PPP1R36: variants seen among roughly 807,000 people sequenced by gnomAD.
PPP1R36 encodes protein phosphatase 1 regulatory subunit 36.
A neutral mutation model predicts 53.4 loss-of-function variants in PPP1R36; 47 were observed. That is an observed-to-expected ratio of 0.88 (90% confidence interval 0.70 to 1.12). The LOEUF is 1.12. PPP1R36 is among the 50% of genes most tolerant of loss of function. The pLI is 0.00. For synonymous variants in PPP1R36, 153 were observed against 170.5 expected (o/e 0.90, Z 0.80); for missense variants, 456 against 513.9 (o/e 0.89, Z 1.09).
At chr14:64,580,285 C>G (rs752169570) in intron 8 of PPP1R36, among the ~76,000 whole-genome samples, 15 of 152,128 alleles carry the variant, frequency 9.9e-5, no homozygotes, top group African/African-American at 3.1e-4. Context: ...AACCTGGTGA[C>G]AGAACAACAC....
intron 8 of PPP1R36, among the ~76,000 whole-genome samples, chr14:64,581,563 G>C (rs1188173075): frequency 6.7e-6 from 1 of 149,620 alleles, no homozygotes; most frequent in Non-Finnish European, 1.5e-5. Flanking sequence ...TACTTCTCAG[G>C]GCTAGCTAGG....
At chr14:64,576,139 G>C (rs908565540) in intron 8 of PPP1R36, among the ~76,000 whole-genome samples, 2 of 143,646 alleles carry the variant, frequency 1.4e-5, no homozygotes, top group African/African-American at 2.6e-5. Context: ...GGAGTGCAAT[G>C]GTGTGATCTC....
intron 7 of PPP1R36, among the ~76,000 whole-genome samples, chr14:64,573,912 T>A (rs2080321934): frequency 7.8e-5 from 2 of 25,748 alleles, no homozygotes; most frequent in African/African-American, 4.4e-4. Flanking sequence ...AGACTCTGTC[T>A]CAAAAAAAAA....
chr14:64,576,565 C>T (rs774032829), intron 8 of PPP1R36, among the ~76,000 whole-genome samples: 2 of 152,124 alleles, frequency 1.3e-5, no homozygotes, highest in Non-Finnish European at 2.9e-5. Context: ...ATGTTTGCAT[C>T]GATATACTTT....
chr14:64,588,185 CAG>C lies in PPP1R36; in HGVS notation c.976_977del (p.Glu326LysfsTer7), dbSNP rs2080451913. On this transcript the variant is annotated frameshift_variant, in exon 11 of 12. Transcript: ENST00000298705. LOFTEE classifies it high-confidence loss of function. ...PVMSTLLPSL[R>X]EKAQNVFEKK... ...TCATGTCTACTCTGCTGCCATCTCT[CAG>C]AGAAAAAGCTCAAAACGTCTTTGAG... 1 of 1,614,044 alleles carries C rather than the reference CAG, an allele frequency of 6.2e-7. No individual in the cohort carries two copies. Among genetic ancestry groups the C allele is most frequent in the Admixed American group, 1.7e-5 (1 of 60,000 alleles).
chr14:64,552,998 TCTCA>T, intron 3 of PPP1R36, 137 bp downstream of exon 3: 1 of 650,230 alleles, frequency 1.5e-6, no homozygotes, highest in Non-Finnish European at 2.7e-6. Context: ...TGAGATAGAG[TCTCA>T]CTCCTGTTGC....
intron 8 of PPP1R36, among the ~76,000 whole-genome samples, chr14:64,582,148 C>T (rs1157835656): frequency 1.3e-5 from 2 of 152,082 alleles, no homozygotes; most frequent in African/African-American, 4.8e-5. Flanking sequence ...ACCCTTACCC[C>T]CAGTCACATG....
At chr14:64,560,529 G>C (rs1326555385) in intron 3 of PPP1R36, among the ~76,000 whole-genome samples, 2 of 151,958 alleles carry the variant, frequency 1.3e-5, no homozygotes, top group African/African-American at 2.4e-5. Flanking sequence ...GATCAGTTAA[G>C]AAGCAGTTAC....
chr14:64,556,096 T>C (rs1436372536), intron 3 of PPP1R36, among the ~76,000 whole-genome samples: 2 of 151,468 alleles, frequency 1.3e-5, no homozygotes, highest in African/African-American at 2.4e-5. Flanking sequence ...TTGTGACTGA[T>C]AATTCCAAAA....
chr14:64,584,156 CA>C (rs2080413212), intron 8 of PPP1R36, among the ~76,000 whole-genome samples: 1 of 152,132 alleles, frequency 6.6e-6, no homozygotes, highest in East Asian at 1.9e-4. Flanking sequence ...CCTGCCTTAG[CA>C]TCCCAAAGTG....
At chr14:64,554,222 G>A (rs1411983373) in intron 3 of PPP1R36, among the ~76,000 whole-genome samples, 2 of 147,222 alleles carry the variant, frequency 1.4e-5, no homozygotes, top group Admixed American at 6.9e-5. Flanking sequence ...AGCGGTCCTG[G>A]CTCACGGCAA....
At chr14:64,565,548 C>T in intron 5 of PPP1R36, 78 bp from the exon 6 acceptor site, 1 of 1,421,352 alleles carries the variant, frequency 7.0e-7, no homozygotes, top group Non-Finnish European at 9.9e-7. Context: ...CATATAACAT[C>T]CATACATAAA....
At chr14:64,575,184 A>ACAACTCAAACT (rs2080332645) in intron 8 of PPP1R36, among the ~76,000 whole-genome samples, 2 of 152,344 alleles carry the variant, frequency 1.3e-5, no homozygotes, top group East Asian at 3.9e-4. Flanking sequence ...AACAGGCCCC[A>ACAACTCAAACT]GATCTACCTC....
At chr14:64,565,880 G>A (rs1417279485) in intron 6 of PPP1R36, among the ~76,000 whole-genome samples, 188 bp downstream of exon 6, 1 of 152,208 alleles carries the variant, frequency 6.6e-6, no homozygotes, top group Non-Finnish European at 1.5e-5. Flanking sequence ...AGAAGTCATG[G>A]GAACCCCAGA....
At chr14:64,557,882 G>A (rs1394351888) in intron 3 of PPP1R36, among the ~76,000 whole-genome samples, 1 of 152,160 alleles carries the variant, frequency 6.6e-6, no homozygotes, top group East Asian at 1.9e-4. Flanking sequence ...AGTGGCAGGC[G>A]CCTGTAATCC....
At chr14:64,553,859 G>A (rs1280981312) in intron 3 of PPP1R36, among the ~76,000 whole-genome samples, 3 of 149,782 alleles carry the variant, frequency 2.0e-5, no homozygotes, top group African/African-American at 4.9e-5. Context: ...TCCAAACCCC[G>A]GACTACGTGG....
chr14:64,573,813 T>A (rs941872720), intron 7 of PPP1R36, among the ~76,000 whole-genome samples: 1 of 138,572 alleles, frequency 7.2e-6, no homozygotes, highest in East Asian at 2.3e-4. Flanking sequence ...CTCGGGAGGC[T>A]GAGGCAGGAG....
chr14:64,586,787 A>G, intron 8 of PPP1R36, 50 bp from the exon 9 acceptor site: 1 of 1,344,374 alleles, frequency 7.4e-7, no homozygotes, highest in Non-Finnish European at 1.1e-6. Context: ...TAGTACCCTG[A>G]AAGATTGAAC....
chr14:64,581,950 A>G (rs1295879528), intron 8 of PPP1R36, among the ~76,000 whole-genome samples: 2 of 152,016 alleles, frequency 1.3e-5, no homozygotes, highest in Non-Finnish European at 2.9e-5. Context: ...CCATAGTTAG[A>G]TCTCTTTGGT....
Sources: allele counts gnomAD v4.1 joint callset (sites outside exome capture counted in the v4.1 genomes callset), GRCh38; gene constraint gnomAD v4.1.1; transcripts MANE v1.5; gene names NCBI Gene and HGNC (gene_info 2026-07-23, HGNC 2026-07-21).